The following BCKDHB variants were observed in gnomAD, a reference collection of about 807,000 sequenced individuals.
BCKDHB encodes 2-oxoisovalerate dehydrogenase subunit beta, mitochondrial.
A neutral mutation model predicts 48.5 loss-of-function variants in BCKDHB; 41 were observed. The ratio of observed to expected loss-of-function variants is 0.85; its 90% CI spans 0.66 to 1.10. BCKDHB has a LOEUF of 1.10. Ranked by LOEUF, BCKDHB falls within the 50% of genes least tolerant of loss-of-function variation. The pLI is 0.00. For missense variants in BCKDHB, 496 were observed against 494.2 expected (o/e 1.00, Z -0.03); for synonymous variants, 201 against 174.8 (o/e 1.15, Z -1.18).
chr6:80,448,937 T>C, the BCKDHB span, among the ~76,000 whole-genome samples: 6 of 152,100 alleles, frequency 3.9e-5, no homozygotes. Context: ...GAATTTAAAA[T>C]AAAAGTGGAA....
intron 1 of BCKDHB, among the ~76,000 whole-genome samples, chr6:80,111,105 G>C (rs974540288): frequency 6.6e-6 from 1 of 152,162 alleles, no homozygotes; most frequent in Non-Finnish European, 1.5e-5. Context: ...TTCTCAATTT[G>C]ACAAATCAAA....
chr6:80,150,023 T>G (rs1393159864), intron 3 of BCKDHB, among the ~76,000 whole-genome samples: 1 of 152,040 alleles, frequency 6.6e-6, no homozygotes, highest in East Asian at 1.9e-4. Flanking sequence ...TAGCTTAGTA[T>G]AAGACTTTTG....
intron 6 of BCKDHB, among the ~76,000 whole-genome samples, chr6:80,182,886 A>G (rs1773478529): frequency 6.6e-6 from 1 of 152,174 alleles, no homozygotes; most frequent in South Asian, 2.1e-4. Context: ...TATTTTTGAT[A>G]TATTTCTGTA....
chr6:80,230,023 G>GTTTTTTTTTTTTTTTTT, intron 8 of BCKDHB, among the ~76,000 whole-genome samples: 1 of 89,510 alleles, frequency 1.1e-5, no homozygotes, highest in Non-Finnish European at 2.0e-5. Context: ...GGGTTTTTAG[G>GTTTTTTTTTTTTTTTTT]TTGTTTTTTT....
At chr6:80,305,553 CT>C (rs1461793233) in intron 9 of BCKDHB, among the ~76,000 whole-genome samples, 2 of 152,126 alleles carry the variant, frequency 1.3e-5, no homozygotes, top group Non-Finnish European at 2.9e-5. Flanking sequence ...ATCAAGCTCT[CT>C]TTTTTTCTTG....
At chr6:80,429,322 T>C in the BCKDHB span, among the ~76,000 whole-genome samples, 4 of 152,362 alleles carry the variant, frequency 2.6e-5, no homozygotes, top group African/African-American at 9.6e-5. Context: ...TCCAGCTTTG[T>C]TCTTTTTGCT....
At chr6:80,373,909 G>A in the BCKDHB span, 95 of 416,804 alleles carry the variant, frequency 2.3e-4, no homozygotes, top group African/African-American at 1.7e-3. Context: ...TATGTGTCAG[G>A]TGAGTCTCTT....
chr6:80,248,592 C>T (rs148633307), intron 8 of BCKDHB, among the ~76,000 whole-genome samples: 13 of 152,118 alleles, frequency 8.5e-5, no homozygotes, highest in Non-Finnish European at 1.3e-4. Context: ...TGCTGTCATT[C>T]ACCAGGGCTG....
chr6:80,219,511 C>T (rs1490173733), intron 8 of BCKDHB, among the ~76,000 whole-genome samples: 1 of 152,004 alleles, frequency 6.6e-6, no homozygotes, highest in African/African-American at 2.4e-5. Flanking sequence ...CCAGGGTACT[C>T]TTAGTTCTCT....
At chr6:80,373,431 T>G in the BCKDHB span, among the ~76,000 whole-genome samples, 1 of 146,436 alleles carries the variant, frequency 6.8e-6, no homozygotes, top group Non-Finnish European at 1.5e-5. Context: ...ATTATCTTTT[T>G]TGTTGTTGTT....
the BCKDHB span, chr6:80,465,728 A>G: frequency 6.6e-6 from 1 of 152,234 alleles, no homozygotes; most frequent in African/African-American, 2.4e-5. Flanking sequence ...TAAAATAAAT[A>G]AATCTGTTTG....
chr6:80,419,414 C>T, the BCKDHB span, among the ~76,000 whole-genome samples: 1 of 152,082 alleles, frequency 6.6e-6, no homozygotes, highest in African/African-American at 2.4e-5. Context: ...ACCGGCAGAC[C>T]AAGAGCTGCT....
intron 9 of BCKDHB, among the ~76,000 whole-genome samples, chr6:80,275,262 G>T (rs932804164): frequency 1.3e-5 from 2 of 152,010 alleles, no homozygotes; most frequent in African/African-American, 4.8e-5. Flanking sequence ...TGGAATATCT[G>T]GGATTAGACA....
intron 8 of BCKDHB, among the ~76,000 whole-genome samples, chr6:80,250,705 G>C (rs1776803427): frequency 6.6e-6 from 1 of 152,132 alleles, no homozygotes; most frequent in South Asian, 2.1e-4. Flanking sequence ...AACATAGGGG[G>C]AAGATGGAGT....
At chr6:80,394,578 C>G in the BCKDHB span, among the ~76,000 whole-genome samples, 1 of 152,122 alleles carries the variant, frequency 6.6e-6, no homozygotes, top group Non-Finnish European at 1.5e-5. Flanking sequence ...TCCTAGGCCA[C>G]TTAAGACTGA....
chr6:80,206,901 A>C (rs56935289), intron 8 of BCKDHB, among the ~76,000 whole-genome samples: 2 of 152,064 alleles, frequency 1.3e-5, no homozygotes, highest in African/African-American at 2.4e-5. Flanking sequence ...TTTTAAGATT[A>C]TATTCAAAGA....
At chr6:80,250,662 C>T (rs745544988) in intron 8 of BCKDHB, among the ~76,000 whole-genome samples, 16 of 152,118 alleles carry the variant, frequency 1.1e-4, no homozygotes, top group Non-Finnish European at 1.8e-4. Context: ...TCACTGAATG[C>T]AGAATTGGGT....
At chr6:80,362,460 C>T in the BCKDHB span, among the ~76,000 whole-genome samples, 11 of 152,048 alleles carry the variant, frequency 7.2e-5, no homozygotes, top group African/African-American at 1.7e-4. Context: ...TTCAGTCCTC[C>T]GGCTAACCAG....
At chr6:80,180,820 A>T (rs1773377725) in intron 6 of BCKDHB, among the ~76,000 whole-genome samples, 1 of 152,364 alleles carries the variant, frequency 6.6e-6, no homozygotes, top group African/African-American at 2.4e-5. Flanking sequence ...ATTTTACATT[A>T]AGCAGATTAA....
Sources: allele counts gnomAD v4.1 joint callset (sites outside exome capture counted in the v4.1 genomes callset), GRCh38; gene constraint gnomAD v4.1.1; transcripts MANE v1.5; gene names NCBI Gene and HGNC (gene_info 2026-07-23, HGNC 2026-07-21).